The following TMTC1 variants were observed in gnomAD, a reference collection of about 807,000 sequenced individuals.
TMTC1 encodes the protein protein O-mannosyl-transferase TMTC1.
In TMTC1, 73 loss-of-function variants were observed where a neutral mutation model predicts 104.8. That is an observed-to-expected ratio of 0.70 (90% CI 0.58 to 0.85). The LOEUF (loss-of-function observed/expected upper bound fraction) is 0.85, where lower values mean the gene tolerates loss of function less well. Ranked by LOEUF, TMTC1 falls within the 40% of genes least tolerant of loss-of-function variation. TMTC1 has a pLI of 0.00. For missense variants in TMTC1, 1,035 were observed against 1,096.1 expected (o/e 0.94, Z 0.79); for synonymous variants, 434 against 428.7 (o/e 1.01, Z -0.15).
chr12:29,736,544 T>C (rs1019701253), intron 5 of TMTC1, among the ~76,000 whole-genome samples: 3 of 152,116 alleles, frequency 2.0e-5, no homozygotes, highest in Non-Finnish European at 4.4e-5. Flanking sequence ...CTCAGCCTCC[T>C]GAGTAGGGGG....
chr12:29,528,661 A>C (rs1396770339), intron 11 of TMTC1, among the ~76,000 whole-genome samples: 1 of 152,210 alleles, frequency 6.6e-6, no homozygotes, highest in Non-Finnish European at 1.5e-5. Context: ...TTTATAGTTC[A>C]GGTTCCAATA....
At chr12:29,776,101 G>A (rs1314312775) in intron 1 of TMTC1, among the ~76,000 whole-genome samples, 3 of 152,140 alleles carry the variant, frequency 2.0e-5, no homozygotes, top group Non-Finnish European at 4.4e-5. Context: ...GCATAGGCAT[G>A]GATGAATCTT....
intron 5 of TMTC1, among the ~76,000 whole-genome samples, chr12:29,730,477 C>CCATG (rs1276564467): frequency 1.3e-5 from 2 of 152,098 alleles, no homozygotes; most frequent in African/African-American, 2.4e-5. Flanking sequence ...AAAATAATAC[C>CCATG]CATGCCTAGA....
chr12:29,700,817 T>C (rs1041300954), intron 5 of TMTC1, among the ~76,000 whole-genome samples: 2 of 152,200 alleles, frequency 1.3e-5, no homozygotes, highest in African/African-American at 4.8e-5. Flanking sequence ...GACCAAAATA[T>C]GTGATGTCTC....
At chr12:29,626,963 G>A (rs1016867858) in intron 6 of TMTC1, among the ~76,000 whole-genome samples, 4 of 152,064 alleles carry the variant, frequency 2.6e-5, no homozygotes, top group East Asian at 1.9e-4. Flanking sequence ...TTAGCTGGGC[G>A]TGGTGGTGGG....
chr12:29,542,442 C>G (rs1052953922), intron 10 of TMTC1, among the ~76,000 whole-genome samples: 2 of 152,218 alleles, frequency 1.3e-5, no homozygotes, highest in African/African-American at 4.8e-5. Context: ...AACTGCTAAA[C>G]AGCATCACCA....
chr12:29,545,676 C>CACACACAG (rs1555167547), intron 10 of TMTC1, among the ~76,000 whole-genome samples: 12,143 of 137,750 alleles, frequency 0.088, 979 homozygotes, highest in Middle Eastern at 0.1. Context: ...CACACACACA[C>CACACACAG]GGATAGAAAC....
intron 12 of TMTC1, among the ~76,000 whole-genome samples, chr12:29,519,000 A>C (rs1944072006): frequency 6.6e-6 from 1 of 152,222 alleles, no homozygotes; most frequent in African/African-American, 2.4e-5. Flanking sequence ...CTGTAGAAAT[A>C]AAACTGTCCA....
intron 5 of TMTC1, among the ~76,000 whole-genome samples, chr12:29,677,644 C>T (rs1186230267): frequency 1.3e-5 from 2 of 152,176 alleles, no homozygotes; most frequent in Non-Finnish European, 2.9e-5. Context: ...TAAGTTGTTC[C>T]GAGTAGCATA....
intron 9 of TMTC1, among the ~76,000 whole-genome samples, chr12:29,569,733 G>T (rs1945614994): frequency 6.6e-6 from 1 of 152,032 alleles, no homozygotes; most frequent in Admixed American, 6.6e-5. Flanking sequence ...TCACCACAGA[G>T]GTATCCACAC....
At chr12:29,690,979 T>C (rs1310620953) in intron 5 of TMTC1, among the ~76,000 whole-genome samples, 1 of 152,218 alleles carries the variant, frequency 6.6e-6, no homozygotes, top group African/African-American at 2.4e-5. Flanking sequence ...TCAGCCCAAC[T>C]AACTTTGGGA....
At chr12:29,670,801 C>T (rs1292735344) in intron 5 of TMTC1, among the ~76,000 whole-genome samples, 1 of 151,230 alleles carries the variant, frequency 6.6e-6, no homozygotes, top group Non-Finnish European at 1.5e-5. Context: ...CATGGTGGCA[C>T]ATGCCTGTAG....
At chr12:29,762,461 T>A (rs1268336155) in intron 2 of TMTC1, among the ~76,000 whole-genome samples, 1 of 152,230 alleles carries the variant, frequency 6.6e-6, no homozygotes, top group East Asian at 1.9e-4. Flanking sequence ...AATCATCTTT[T>A]TACTTTAAGG....
chr12:29,724,922 C>T (rs74451810), intron 5 of TMTC1, among the ~76,000 whole-genome samples: 3,645 of 150,536 alleles, frequency 0.024, 63 homozygotes, highest in Non-Finnish European at 0.035. Context: ...AGTAAACCAA[C>T]GAACATGAGC....
intron 5 of TMTC1, among the ~76,000 whole-genome samples, chr12:29,684,881 T>C (rs914181021): frequency 6.6e-6 from 1 of 152,192 alleles, no homozygotes; most frequent in Admixed American, 6.5e-5. Flanking sequence ...AAGAATTTTT[T>C]CCAACTCAAT....
At chr12:29,720,169 G>C (rs1942197562) in intron 5 of TMTC1, among the ~76,000 whole-genome samples, 1 of 152,186 alleles carries the variant, frequency 6.6e-6, no homozygotes, top group Admixed American at 6.5e-5. Flanking sequence ...TGTCGTGCTA[G>C]GAAAGGAGTG....
At chr12:29,721,120 C>T (rs979167950) in intron 5 of TMTC1, among the ~76,000 whole-genome samples, 2 of 152,120 alleles carry the variant, frequency 1.3e-5, no homozygotes, top group African/African-American at 2.4e-5. Context: ...CACTGTCTTA[C>T]ACCTACTTCA....
At chr12:29,608,201 G>A (rs1417186149) in intron 6 of TMTC1, among the ~76,000 whole-genome samples, 1 of 152,128 alleles carries the variant, frequency 6.6e-6, no homozygotes, top group Non-Finnish European at 1.5e-5. Flanking sequence ...TCATGGACAT[G>A]GCTAAATTTT....
chr12:29,729,787 G>T (rs1010814160), intron 5 of TMTC1, among the ~76,000 whole-genome samples: 2 of 152,100 alleles, frequency 1.3e-5, no homozygotes, highest in African/African-American at 4.8e-5. Context: ...TTTTATGCAC[G>T]TGTACTATGT....
Sources: allele counts gnomAD v4.1 joint callset (sites outside exome capture counted in the v4.1 genomes callset), GRCh38; gene constraint gnomAD v4.1.1; transcripts MANE v1.5; gene names NCBI Gene and HGNC (gene_info 2026-07-23, HGNC 2026-07-21).